Variants in SLC36A1 observed in about 807,000 individuals in gnomAD.
SLC36A1 encodes the protein proton-coupled amino acid transporter 1.
In SLC36A1, 30 loss-of-function variants were observed where a neutral mutation model predicts 47.5. That is an observed-to-expected ratio of 0.63 (90% CI 0.47 to 0.86). The LOEUF (loss-of-function observed/expected upper bound fraction) is 0.86. Among genes scored for constraint, SLC36A1 ranks in the 40% least tolerant of loss-of-function variants. SLC36A1 has a pLI of 0.00. For missense variants in SLC36A1, 517 were observed against 606.0 expected, an observed-to-expected ratio of 0.85 and a Z score of 1.54; for synonymous variants, 255 against 249.7, an observed-to-expected ratio of 1.02 and a Z score of -0.20.
the SLC36A1 span, chr5:151,380,721 C>T: frequency 0.43 from 236,551 of 546,006 alleles, 55,499 homozygotes; most frequent in African/African-American, 0.75. Context: ...AGATGTCCAT[C>T]GACCTCATCC....
the SLC36A1 span, among the ~76,000 whole-genome samples, chr5:151,520,395 A>G: frequency 6.6e-6 from 1 of 152,248 alleles, no homozygotes; most frequent in East Asian, 1.9e-4. Context: ...GAAGCTGTAC[A>G]ATTTCAGGCA....
At chr5:151,457,920 C>T (rs1282794217) in intron 1 of SLC36A1, among the ~76,000 whole-genome samples, 2 of 151,594 alleles carry the variant, frequency 1.3e-5, no homozygotes, top group Admixed American at 6.6e-5. Context: ...ACGATCTCGG[C>T]TCACCACAAC....
upstream of SLC36A1, among the ~76,000 whole-genome samples, chr5:151,445,990 C>T (rs1326288713): frequency 6.7e-6 from 1 of 150,078 alleles, no homozygotes. Context: ...CTGTTCTGCT[C>T]TTTCTTTTCT....
chr5:151,524,043 A>G, the SLC36A1 span, among the ~76,000 whole-genome samples: 3 of 151,280 alleles, frequency 2.0e-5, no homozygotes, highest in African/African-American at 7.3e-5. Context: ...CTTCTCCATC[A>G]CTCCGTGGTC....
intron 9 of SLC36A1, among the ~76,000 whole-genome samples, 178 bp from the exon 10 acceptor site, chr5:151,479,142 T>C (rs942642997): frequency 6.6e-6 from 1 of 152,228 alleles, no homozygotes; most frequent in Non-Finnish European, 1.5e-5. Context: ...CTTTTGTGTA[T>C]GTGTGTGAGG....
the SLC36A1 span, among the ~76,000 whole-genome samples, chr5:151,414,233 A>T: frequency 6.6e-6 from 1 of 152,202 alleles, no homozygotes; most frequent in African/African-American, 2.4e-5. Context: ...AGAGGAGGTG[A>T]GCATTTAGGA....
rs1026366604 is a variant in SLC36A1, at chr5:151,439,142, G to C, written c.-6+1963G>C. On this transcript the variant is annotated intron_variant, in intron 1 of 8. Transcript: ENST00000429484. ...GGAGAGAGAGAGAGAGAGAGTGCAG[G>C]GGAAACTGCCACTTTTAAACCATCA... is the stretch of plus-strand genomic sequence containing the variant. 2.6e-5 allele frequency among the ~76,000 whole-genome samples: 4 copies of C among 152,034 alleles called. No homozygotes were observed. In the East Asian group the frequency reaches 7.7e-4, roughly 29 times the overall value.
the SLC36A1 span, among the ~76,000 whole-genome samples, chr5:151,401,760 A>C: frequency 3.3e-5 from 5 of 152,072 alleles, no homozygotes; most frequent in African/African-American, 1.2e-4. Context: ...TAGGTATTTT[A>C]TTCTTTTTGT....
chr5:151,468,764 A>G (rs922248153), intron 7 of SLC36A1, among the ~76,000 whole-genome samples: 2 of 152,122 alleles, frequency 1.3e-5, no homozygotes, highest in African/African-American at 4.8e-5. Flanking sequence ...ATTCATGATC[A>G]TTGTATACAG....
chr5:151,521,256 A>C, the SLC36A1 span: 1 of 1,579,102 alleles, frequency 6.3e-7, no homozygotes, highest in Non-Finnish European at 8.6e-7. Context: ...GCTCGTCCCT[A>C]GGGAAGATGT....
upstream of SLC36A1, among the ~76,000 whole-genome samples, chr5:151,445,206 G>T (rs1752848978): frequency 6.6e-6 from 1 of 152,124 alleles, no homozygotes; most frequent in African/African-American, 2.4e-5. Context: ...GTTGGACTTT[G>T]TCAAATGCTT....
At chr5:151,378,887 G>T in the SLC36A1 span, among the ~76,000 whole-genome samples, 40 of 152,372 alleles carry the variant, frequency 2.6e-4, no homozygotes, top group African/African-American at 9.6e-4. Context: ...GGAGGGCCAT[G>T]CTGCACTCAC....
the SLC36A1 span, among the ~76,000 whole-genome samples, chr5:151,361,821 GA>G: frequency 6.6e-6 from 1 of 152,000 alleles, no homozygotes; most frequent in South Asian, 2.1e-4. Flanking sequence ...CTTCATATTT[GA>G]AAAATAGCAT....
At chr5:151,506,400 G>A in the SLC36A1 span, among the ~76,000 whole-genome samples, 1 of 152,354 alleles carries the variant, frequency 6.6e-6, no homozygotes, top group African/African-American at 2.4e-5. Flanking sequence ...GCTGGATACA[G>A]TAACTCCATC....
chr5:151,361,103 G>GT, the SLC36A1 span, among the ~76,000 whole-genome samples: 40 of 152,192 alleles, frequency 2.6e-4, no homozygotes, highest in Non-Finnish European at 4.3e-4. Flanking sequence ...GGCTTTTATG[G>GT]TTTTTTCTAT....
chr5:151,428,397 G>C, the SLC36A1 span, among the ~76,000 whole-genome samples: 2 of 152,124 alleles, frequency 1.3e-5, no homozygotes, highest in Non-Finnish European at 2.9e-5. Flanking sequence ...CCTGGGAGGA[G>C]CAAGGGGTGG....
At chr5:151,465,902 A>G (rs1756288403) in intron 5 of SLC36A1, among the ~76,000 whole-genome samples, 1 of 151,656 alleles carries the variant, frequency 6.6e-6, no homozygotes, top group African/African-American at 2.4e-5. Context: ...TGTTTTCTAC[A>G]TTTAAATGTA....
rs550736014 is a variant in SLC36A1, at chr5:151,462,666, C to T, written c.144-887C>T. Among the ~76,000 whole-genome samples, 7 of 142,806 alleles carry T rather than the reference C, an allele frequency of 4.9e-5. No homozygotes were observed. In the East Asian group the frequency reaches 1.0e-3, roughly 21 times the overall value. The allele number at this position is 142,806 out of a possible 152,430, so 93.7% of individuals were successfully genotyped here. On this transcript the variant is annotated intron_variant, in intron 2 of 10. Coordinates refer to ENST00000243389, the MANE Select transcript of SLC36A1 (RefSeq NM_078483.4). ...GCATGAGCCACTGCACCTGGCCTGA[C>T]TTTTTTTTTTTTTTAAATACTAAAT...
At chr5:151,543,684 G>A in the SLC36A1 span, 2 of 1,614,030 alleles carry the variant, frequency 1.2e-6, no homozygotes, top group Non-Finnish European at 1.7e-6. Context: ...GGTGCTGCTG[G>A]AACTCTGGGC....
Sources: gnomAD v4.1 joint callset for allele counts (sites outside exome capture counted in the v4.1 genomes callset) on GRCh38, gnomAD v4.1.1 for gene constraint, MANE v1.5 for transcripts, NCBI Gene and HGNC (gene_info 2026-07-23, HGNC 2026-07-21) for gene names.